The following KCNU1 variants were observed in gnomAD, a reference collection of about 807,000 sequenced individuals.
KCNU1 encodes potassium calcium-activated channel subfamily U member 1.
In KCNU1, 93 loss-of-function variants were observed where a neutral mutation model predicts 126.8. The ratio of observed to expected loss-of-function variants is 0.73; its 90% CI spans 0.62 to 0.87. KCNU1 has a LOEUF of 0.87. Ranked by LOEUF, KCNU1 falls within the 40% of genes least tolerant of loss-of-function variation. KCNU1 has a pLI of 0.00. For synonymous variants in KCNU1, 523 were observed against 494.2 expected, an observed-to-expected ratio of 1.06 and a Z score of -0.77; for missense variants, 1,330 against 1,367.1, an observed-to-expected ratio of 0.97 and a Z score of 0.43.
chr8:36,930,708 G>T (rs1455044408), intron 24 of KCNU1, among the ~76,000 whole-genome samples: 1 of 152,076 alleles, frequency 6.6e-6, no homozygotes, highest in Admixed American at 6.6e-5. Context: ...TTCTTCATCC[G>T]AAGTGTAATC....
intron 19 of KCNU1, among the ~76,000 whole-genome samples, chr8:36,866,751 T>C (rs1805925777): frequency 6.6e-6 from 1 of 152,138 alleles, no homozygotes; most frequent in Non-Finnish European, 1.5e-5. Flanking sequence ...ACAAGATGGA[T>C]TCACATAAAA....
intron 17 of KCNU1, 54 bp from the exon 18 acceptor site, chr8:36,845,748 C>T (rs1180724573): frequency 5.4e-6 from 8 of 1,469,690 alleles, no homozygotes; most frequent in African/African-American, 4.2e-5. Flanking sequence ...AGCACCATGC[C>T]TCCTTTGCAT....
At chr8:36,889,048 A>G (rs554517584) in intron 19 of KCNU1, 25 of 492,500 alleles carry the variant, frequency 5.1e-5, no homozygotes, top group African/African-American at 1.4e-4. Flanking sequence ...CCAGCTAATT[A>G]TTGTATTTTT....
chr8:36,788,292 A>C (rs1341480785), intron 2 of KCNU1, among the ~76,000 whole-genome samples: 3 of 152,154 alleles, frequency 2.0e-5, no homozygotes, highest in African/African-American at 7.2e-5. Context: ...TATTAAAATT[A>C]TCTGTGCACA....
chr8:36,920,329 T>C (rs1175512396), intron 23 of KCNU1, among the ~76,000 whole-genome samples: 1 of 152,134 alleles, frequency 6.6e-6, no homozygotes, highest in Non-Finnish European at 1.5e-5. Context: ...GTTGAATTCT[T>C]GAATGCAAAA....
chr8:36,844,637 A>T (rs1473643339), intron 16 of KCNU1, among the ~76,000 whole-genome samples: 2 of 152,216 alleles, frequency 1.3e-5, no homozygotes, highest in African/African-American at 4.8e-5. Context: ...TTGGCTGTGC[A>T]AGCTCATTTA....
chr8:36,867,369 A>G (rs1193647821), intron 19 of KCNU1, among the ~76,000 whole-genome samples: 1 of 152,172 alleles, frequency 6.6e-6, no homozygotes, highest in African/African-American at 2.4e-5. Context: ...GCAGCTAGCC[A>G]GCCTGACGAG....
In KCNU1 at chr8:36,843,842, A is replaced by C. The variant is rs147575320; in HGVS notation, c.1704-1738A>C. Among the ~76,000 whole-genome samples, 43 of 152,336 alleles carry C rather than the reference A, an allele frequency of 2.8e-4. No individual in the cohort carries two copies. The East Asian group carries it at 7.9e-3, about 28-fold the overall frequency. ...ACGGAATTATTTGTCACCTGCTAAC[A>C]GATGAAGCTGGATCTGACCCCATCA... On this transcript the variant is annotated intron_variant, in intron 16 of 26. Transcript: ENST00000399881.
intron 14 of KCNU1, among the ~76,000 whole-genome samples, chr8:36,839,888 A>G (rs1804888048): frequency 6.6e-6 from 1 of 152,056 alleles, no homozygotes; most frequent in African/African-American, 2.4e-5. Context: ...ATTTTGAGAT[A>G]TCTTTCTCCT....
At chr8:36,826,465 C>T (rs1275986202) in intron 10 of KCNU1, among the ~76,000 whole-genome samples, 1 of 152,100 alleles carries the variant, frequency 6.6e-6, no homozygotes, top group African/African-American at 2.4e-5. Flanking sequence ...CCACCTTGGC[C>T]TCCCAAAGTG....
In KCNU1 at chr8:36,817,774, T is replaced by C; in HGVS notation, c.1106+14T>C. The C allele has an allele frequency of 7.8e-7, 1 of 1,282,402 alleles. No homozygotes were observed. Among genetic ancestry groups the C allele is most frequent in the Non-Finnish European group, 1.1e-6 (1 of 877,238 alleles). 79.4% of individuals were successfully genotyped at this position (1,282,402 alleles called of 1,614,324 possible). A position where few individuals can be genotyped will look rare whatever the true frequency, so the allele number is the denominator to read the frequency against. On this transcript the variant is annotated intron_variant, in intron 10 of 26. Transcript: ENST00000399881. ...TTTCCTGGGAGAGTAAGTATATCTG[T>C]ATGGCTCATGGGTTCTAAATTAATA...
chr8:36,866,572 A>T (rs549812309), intron 19 of KCNU1, among the ~76,000 whole-genome samples: 1 of 152,284 alleles, frequency 6.6e-6, no homozygotes, highest in African/African-American at 2.4e-5. Flanking sequence ...TATTTCCAAC[A>T]ACAAAACAGT....
chr8:36,900,803 A>G (rs1202269314), intron 19 of KCNU1, among the ~76,000 whole-genome samples: 1 of 152,108 alleles, frequency 6.6e-6, no homozygotes, highest in Non-Finnish European at 1.5e-5. Flanking sequence ...GACAGTCACA[A>G]TGGAGTTTTC....
At chr8:36,811,877 G>A (rs1480919614) in intron 7 of KCNU1, among the ~76,000 whole-genome samples, 1 of 152,044 alleles carries the variant, frequency 6.6e-6, no homozygotes, top group Non-Finnish European at 1.5e-5. Flanking sequence ...GACCAGCCTG[G>A]CTAATGAAAC....
intron 10 of KCNU1, among the ~76,000 whole-genome samples, chr8:36,822,677 G>T (rs1422297665): frequency 6.6e-6 from 1 of 152,084 alleles, no homozygotes. Flanking sequence ...TTAGTTGCAT[G>T]CAAGAAAAAC....
At chr8:36,893,442 G>A (rs1282184636) in intron 19 of KCNU1, among the ~76,000 whole-genome samples, 1 of 151,624 alleles carries the variant, frequency 6.6e-6, no homozygotes, top group Non-Finnish European at 1.5e-5. Context: ...AAAACTCCCA[G>A]GCCAAATAAA....
chr8:36,784,982 A>G (rs114726547), intron 1 of KCNU1, among the ~76,000 whole-genome samples: 2,621 of 152,374 alleles, frequency 0.017, 77 homozygotes, highest in African/African-American at 0.061. Flanking sequence ...GGAACAAGAC[A>G]TCAACATCAA....
At chr8:36,816,963 AAC>A (rs869038373) in intron 9 of KCNU1, among the ~76,000 whole-genome samples, 3 of 152,104 alleles carry the variant, frequency 2.0e-5, no homozygotes, top group Admixed American at 6.6e-5. Context: ...CAACAACAAC[AAC>A]AAAAAACCCT....
At chr8:36,791,229 G>GA (rs1051242192) in intron 2 of KCNU1, among the ~76,000 whole-genome samples, 2 of 152,038 alleles carry the variant, frequency 1.3e-5, no homozygotes, top group African/African-American at 4.8e-5. Flanking sequence ...ACTACCTGCG[G>GA]AAAAAAATTT....
Sources: gnomAD v4.1 joint callset for allele counts (sites outside exome capture counted in the v4.1 genomes callset) on GRCh38, gnomAD v4.1.1 for gene constraint, MANE v1.5 for transcripts, NCBI Gene and HGNC (gene_info 2026-07-23, HGNC 2026-07-21) for gene names.